Variants in PTPRD observed in about 807,000 individuals in gnomAD.
PTPRD encodes the protein receptor-type tyrosine-protein phosphatase delta.
Under a neutral mutation model 214.5 loss-of-function variants are expected in PTPRD, and 34 were observed. The observed-to-expected ratio is 0.16, with a 90% confidence interval of 0.12 to 0.21. The LOEUF is 0.21. PTPRD is among the 10% of genes least tolerant of loss of function. The probability of loss-of-function intolerance (pLI) is 1.00; values close to 1 mark genes in which losing one functional copy is unlikely to be tolerated. For synonymous variants in PTPRD, 1,128 were observed against 845.7 expected, an observed-to-expected ratio of 1.33 and a Z score of -5.79; for missense variants, 2,545 against 2,398.7, an observed-to-expected ratio of 1.06 and a Z score of -1.27.
rs914969209 is a variant in PTPRD at position 8,844,695 on chromosome 9, G to T, written c.-103-110749C>A. ...AAGATGGGTATAAATAATACAAAAA[G>T]ATGGTCCAATAATAGCCAAATCCCA... On this transcript the variant is annotated intron_variant, in intron 11 of 45. Transcript: ENST00000381196. Among the ~76,000 whole-genome samples the T allele has an allele frequency of 3.3e-5, 5 of 152,244 alleles. No individual in the cohort carries two copies. The East Asian group carries it at 9.6e-4, about 29-fold the overall frequency.
rs1202942614 is a variant in PTPRD, at chr9:8,795,477, A to T, written c.-103-61531T>A. ...GCCACCACACCCAGCCAATGAAAAA[A>T]TTAAATAGCCTACTTAGGAATTACA... On this transcript the variant is annotated intron_variant, in intron 11 of 45. Transcript: ENST00000381196. Among the ~76,000 whole-genome samples, 8 of 152,188 alleles carry T rather than the reference A, an allele frequency of 5.3e-5. No homozygotes were observed. The South Asian group carries it at 8.3e-4, about 16-fold the overall frequency.
intron 7 of PTPRD, among the ~76,000 whole-genome samples, chr9:9,602,095 T>C (rs1415018871): frequency 1.3e-5 from 2 of 152,090 alleles, no homozygotes; most frequent in South Asian, 2.1e-4. Context: ...ATTAAAATGA[T>C]TGAAAATTCC....
intron 3 of PTPRD, among the ~76,000 whole-genome samples, chr9:10,090,592 TACTC>T (rs1682195897): frequency 6.9e-6 from 1 of 145,724 alleles, no homozygotes; most frequent in Non-Finnish European, 1.5e-5. Context: ...AAGGGCAAAA[TACTC>T]ACTTGCAGCC....
At chr9:10,138,802 A>G (rs1041738310) in intron 3 of PTPRD, among the ~76,000 whole-genome samples, 13 of 152,254 alleles carry the variant, frequency 8.5e-5, no homozygotes, top group East Asian at 3.9e-4. Flanking sequence ...AACAGAAACC[A>G]TATGACCTCA....
intron 42 of PTPRD, among the ~76,000 whole-genome samples, chr9:8,339,712 T>A (rs1850595312): frequency 6.6e-6 from 1 of 151,956 alleles, no homozygotes; most frequent in Non-Finnish European, 1.5e-5. Context: ...CTGAAGCAAA[T>A]ACGAAATAAT....
chr9:10,294,505 T>G (rs1303748387), intron 3 of PTPRD, among the ~76,000 whole-genome samples: 2 of 151,928 alleles, frequency 1.3e-5, no homozygotes, highest in Non-Finnish European at 2.9e-5. Flanking sequence ...CAGAAAACAT[T>G]TGCATTTTTA....
intron 5 of PTPRD, among the ~76,000 whole-genome samples, chr9:9,881,693 C>T (rs1305396491): frequency 1.3e-5 from 2 of 152,146 alleles, no homozygotes; most frequent in Non-Finnish European, 2.9e-5. Context: ...TGCCACTTTA[C>T]CGCAACCGTC....
chr9:9,696,134 C>A (rs2097369859), intron 7 of PTPRD, among the ~76,000 whole-genome samples: 2 of 151,880 alleles, frequency 1.3e-5, no homozygotes, highest in Admixed American at 6.6e-5. Flanking sequence ...GTTATATGTG[C>A]CCATGAATAT....
chr9:10,236,931 G>T (rs1201427447), intron 3 of PTPRD, among the ~76,000 whole-genome samples: 2 of 151,782 alleles, frequency 1.3e-5, no homozygotes, highest in Non-Finnish European at 2.9e-5. Flanking sequence ...CTTTGGTGGG[G>T]GGGCTGAAAA....
intron 2 of PTPRD, among the ~76,000 whole-genome samples, chr9:10,367,205 T>C (rs1357787229): frequency 6.6e-6 from 1 of 152,156 alleles, no homozygotes; most frequent in African/African-American, 2.4e-5. Flanking sequence ...AAAATGTATT[T>C]AACTTGCAAG....
intron 3 of PTPRD, among the ~76,000 whole-genome samples, chr9:10,075,710 G>C (rs1207812451): frequency 6.6e-6 from 1 of 151,696 alleles, no homozygotes; most frequent in African/African-American, 2.4e-5. Flanking sequence ...TTGTGCTCTG[G>C]ATAAAAGTGA....
At chr9:9,158,427 C>G (rs2099883241) in intron 10 of PTPRD, among the ~76,000 whole-genome samples, 1 of 151,996 alleles carries the variant, frequency 6.6e-6, no homozygotes, top group Non-Finnish European at 1.5e-5. Flanking sequence ...TGCTAAAACT[C>G]CGTCTCTACT....
chr9:8,905,459 C>T (rs2098700881), intron 11 of PTPRD, among the ~76,000 whole-genome samples: 2 of 151,914 alleles, frequency 1.3e-5, no homozygotes, highest in African/African-American at 4.8e-5. Flanking sequence ...AATTAGCCAG[C>T]CGGACGTCGT....
intron 14 of PTPRD, among the ~76,000 whole-genome samples, chr9:8,554,787 G>A (rs1020409996): frequency 7.2e-5 from 11 of 152,164 alleles, no homozygotes; most frequent in African/African-American, 2.4e-4. Context: ...AGAAATATAT[G>A]AAGCAGCACA....
At chr9:9,849,432 G>A (rs1243807014) in intron 5 of PTPRD, among the ~76,000 whole-genome samples, 2 of 152,016 alleles carry the variant, frequency 1.3e-5, no homozygotes, top group Non-Finnish European at 2.9e-5. Flanking sequence ...CTTTACCTGT[G>A]CTAGTTTGGC....
intron 11 of PTPRD, among the ~76,000 whole-genome samples, chr9:8,777,083 A>G (rs1347684664): frequency 1.3e-5 from 2 of 151,354 alleles, no homozygotes; most frequent in African/African-American, 2.4e-5. Flanking sequence ...TAGCCTCAAG[A>G]GATCTTCCAC....
intron 4 of PTPRD, among the ~76,000 whole-genome samples, chr9:9,949,192 T>A (rs2093164922): frequency 1.3e-5 from 2 of 152,138 alleles, no homozygotes; most frequent in African/African-American, 2.4e-5. Context: ...AGTGTTTCAT[T>A]AATGTTTATG....
At chr9:9,331,717 G>A (rs554799777) in intron 9 of PTPRD, among the ~76,000 whole-genome samples, 1 of 152,076 alleles carries the variant, frequency 6.6e-6, no homozygotes, top group East Asian at 1.9e-4. Context: ...CTTGTTTCCT[G>A]CCTCCCACCT....
At chr9:10,280,280 A>C (rs2154393283) in intron 3 of PTPRD, among the ~76,000 whole-genome samples, 1 of 152,092 alleles carries the variant, frequency 6.6e-6, no homozygotes, top group South Asian at 2.1e-4. Flanking sequence ...TGAGGTTGAA[A>C]TTTTTCTAGA....
Sources: gnomAD v4.1 joint callset for allele counts (sites outside exome capture counted in the v4.1 genomes callset) on GRCh38, gnomAD v4.1.1 for gene constraint, MANE v1.5 for transcripts, NCBI Gene and HGNC (gene_info 2026-07-23, HGNC 2026-07-21) for gene names.